The following NUMB variants were observed in gnomAD, a reference collection of about 807,000 sequenced individuals.
NUMB encodes protein numb homolog.
NUMB carries 29 observed loss-of-function variants against 59.7 expected under a neutral mutation model. The ratio of observed to expected loss-of-function variants is 0.49; its 90% CI spans 0.36 to 0.66. NUMB has a LOEUF of 0.66. Ranked by LOEUF, NUMB falls within the 30% of genes least tolerant of loss-of-function variation. The pLI is 0.00. For synonymous variants in NUMB, 288 were observed against 288.2 expected (o/e 1.00, Z 0.01); for missense variants, 723 against 822.0 (o/e 0.88, Z 1.47).
intron 6 of NUMB, chr14:73,298,774 T>C (rs1889935569): frequency 6.6e-6 from 1 of 152,198 alleles, no homozygotes; most frequent in Non-Finnish European, 1.5e-5. Flanking sequence ...ATGGCCTTAC[T>C]GAAATAACCT....
At chr14:73,372,398 TATACGCATACACAC>T (rs1283709605) in intron 2 of NUMB, among the ~76,000 whole-genome samples, 2 of 145,530 alleles carry the variant, frequency 1.4e-5, no homozygotes, top group African/African-American at 5.0e-5. Flanking sequence ...TATGTCAGTG[TATACGCATACACAC>T]ATATATGTGC....
intron 1 of NUMB, among the ~76,000 whole-genome samples, chr14:73,436,040 TAGA>T (rs1898041114): frequency 6.6e-6 from 1 of 151,456 alleles, no homozygotes; most frequent in African/African-American, 2.4e-5. Flanking sequence ...CAAATATCAA[TAGA>T]AGAATGGAAA....
intron 2 of NUMB, among the ~76,000 whole-genome samples, chr14:73,380,714 T>G (rs1244476359): frequency 6.8e-6 from 1 of 147,750 alleles, no homozygotes; most frequent in East Asian, 2.0e-4. Flanking sequence ...TTGGGCACAT[T>G]CATCAATTAG....
Position 73,276,484 on chromosome 14 carries a change from G to A in NUMB, c.*94C>T. On this transcript the variant is annotated 3_prime_UTR_variant, in exon 13 of 13. Transcript: ENST00000555238. ...GGGACCTTTGGGATTAGTGAAAAGA[G>A]TACTAATCAGGAGACAAAGTCTGTT... The A allele has an allele frequency of 1.1e-6, 1 of 916,358 alleles. No individual in the cohort carries two copies. The highest frequency in any genetic ancestry group is 1.7e-6 in the Non-Finnish European group (1 of 600,694). 56.8% of individuals were successfully genotyped at this position (916,358 alleles called of 1,614,324 possible). A position where few individuals can be genotyped will look rare whatever the true frequency, so the allele number is the denominator to read the frequency against.
At chr14:73,426,526 T>C (rs1371597111) in intron 1 of NUMB, among the ~76,000 whole-genome samples, 1 of 151,906 alleles carries the variant, frequency 6.6e-6, no homozygotes, top group African/African-American at 2.4e-5. Context: ...GGGCAACACA[T>C]AGAGGATCCA....
At chr14:73,315,450 C>G (rs1226474096) in intron 6 of NUMB, among the ~76,000 whole-genome samples, 1 of 151,998 alleles carries the variant, frequency 6.6e-6, no homozygotes, top group Non-Finnish European at 1.5e-5. Context: ...GTACAGCCAC[C>G]CCATATATTC....
At chr14:73,322,164 G>C (rs1294656892) in intron 5 of NUMB, among the ~76,000 whole-genome samples, 1 of 152,226 alleles carries the variant, frequency 6.6e-6, no homozygotes, top group African/African-American at 2.4e-5. Flanking sequence ...AGAGCATGCA[G>C]AAGTAATGCT....
At chr14:73,393,228 G>A (rs1001073009) in intron 2 of NUMB, among the ~76,000 whole-genome samples, 1 of 152,068 alleles carries the variant, frequency 6.6e-6, no homozygotes, top group African/African-American at 2.4e-5. Context: ...TTACAGGTAA[G>A]AAAACTAAAG....
intron 4 of NUMB, among the ~76,000 whole-genome samples, chr14:73,334,389 T>C (rs1228495727): frequency 2.4e-4 from 36 of 152,226 alleles, no homozygotes; most frequent in Admixed American, 2.4e-3. Flanking sequence ...GTTAATGCTA[T>C]AAAAGTATCT....
At chr14:73,293,549 G>T (rs1292532356) in intron 7 of NUMB, among the ~76,000 whole-genome samples, 1 of 151,868 alleles carries the variant, frequency 6.6e-6, no homozygotes, top group Non-Finnish European at 1.5e-5. Flanking sequence ...GTGCCACCAC[G>T]CCCGGCTAAT....
intron 6 of NUMB, among the ~76,000 whole-genome samples, chr14:73,304,873 G>A (rs1890340109): frequency 6.6e-6 from 1 of 152,034 alleles, no homozygotes; most frequent in Non-Finnish European, 1.5e-5. Context: ...CGATTCTCCT[G>A]CCTCAGCCTC....
intron 4 of NUMB, among the ~76,000 whole-genome samples, chr14:73,345,361 T>C (rs1892855020): frequency 6.6e-6 from 1 of 152,096 alleles, no homozygotes; most frequent in Non-Finnish European, 1.5e-5. Context: ...GGGAGGGTGA[T>C]GGTCGAAAAA....
intron 2 of NUMB, among the ~76,000 whole-genome samples, chr14:73,408,709 C>T (rs1896784286): frequency 6.6e-6 from 1 of 151,938 alleles, no homozygotes; most frequent in Non-Finnish European, 1.5e-5. Flanking sequence ...GAAACCCCGT[C>T]TCTACTAAAA....
intron 4 of NUMB, among the ~76,000 whole-genome samples, chr14:73,328,065 A>C (rs1164191081): frequency 6.6e-6 from 1 of 152,198 alleles, no homozygotes; most frequent in Admixed American, 6.5e-5. Context: ...ACTTGAGGTC[A>C]GGAGTTTGAG....
Position 73,320,025 on chromosome 14 carries a change from G to A in NUMB, c.201+3105C>T, listed in dbSNP as rs201279879. On this transcript the variant is annotated intron_variant, in intron 5 of 12. Coordinates refer to ENST00000555238, the MANE Select transcript of NUMB (RefSeq NM_001005743.2). ...CGGGCACCTGTAATCCCAGCTACTC[G>A]GGAGGCTGAGGCAGGAGAATTGCTT... Among the ~76,000 whole-genome samples the A allele has an allele frequency of 5.3e-5, 8 of 151,910 alleles. No individual in the cohort carries two copies. In the East Asian group the frequency reaches 5.8e-4, roughly 11 times the overall value.
chr14:73,445,494 C>A (rs1883432684), intron 1 of NUMB, among the ~76,000 whole-genome samples: 1 of 149,902 alleles, frequency 6.7e-6, no homozygotes, highest in Non-Finnish European at 1.5e-5. Flanking sequence ...ATTCAAGATT[C>A]CTTTTCATGT....
chr14:73,402,994 A>G (rs1457367745), intron 2 of NUMB, among the ~76,000 whole-genome samples: 1 of 152,196 alleles, frequency 6.6e-6, no homozygotes, highest in Non-Finnish European at 1.5e-5. Context: ...TGGTTACTCA[A>G]AAGGCCATTC....
At chr14:73,425,269 T>A (rs1249941940) in intron 1 of NUMB, among the ~76,000 whole-genome samples, 1 of 152,146 alleles carries the variant, frequency 6.6e-6, no homozygotes, top group Non-Finnish European at 1.5e-5. Context: ...ATACAAAGAA[T>A]AAAGCACTCT....
intron 2 of NUMB, among the ~76,000 whole-genome samples, chr14:73,402,138 T>C (rs1385106864): frequency 1.3e-5 from 2 of 152,190 alleles, no homozygotes; most frequent in Admixed American, 1.3e-4. Context: ...AGTGCTAGGA[T>C]TACAGGAGTG....
Sources: allele counts gnomAD v4.1 joint callset (sites outside exome capture counted in the v4.1 genomes callset), GRCh38; gene constraint gnomAD v4.1.1; transcripts MANE v1.5; gene names NCBI Gene and HGNC (gene_info 2026-07-23, HGNC 2026-07-21).